SNX31: variants seen among roughly 807,000 people sequenced by gnomAD.
SNX31 encodes sorting nexin-31.
Under a neutral mutation model 65.4 loss-of-function variants are expected in SNX31, and 58 were observed. That is an observed-to-expected ratio of 0.89 (90% confidence interval 0.72 to 1.10). The LOEUF (loss-of-function observed/expected upper bound fraction) is 1.10. SNX31 is among the 50% of genes least tolerant of loss of function. The pLI is 0.00. For synonymous variants in SNX31, 181 were observed against 190.1 expected, an observed-to-expected ratio of 0.95 and a Z score of 0.39; for missense variants, 523 against 529.7, an observed-to-expected ratio of 0.99 and a Z score of 0.12.
intron 2 of SNX31, among the ~76,000 whole-genome samples, chr8:100,639,478 A>G (rs1819006757): frequency 5.9e-5 from 9 of 152,224 alleles, no homozygotes; most frequent in Admixed American, 5.9e-4. Context: ...ACAGAATCAA[A>G]CAAGTAAATG....
chr8:100,601,111 G>C (rs940405096), intron 8 of SNX31, among the ~76,000 whole-genome samples: 4 of 152,126 alleles, frequency 2.6e-5, no homozygotes, highest in African/African-American at 9.7e-5. Flanking sequence ...ATTGCTTATA[G>C]CAATGAAACA....
In SNX31 at chr8:100,625,873, GC is replaced by G. The variant is rs1424161556; in HGVS notation, c.321+4453del. Among the ~76,000 whole-genome samples, 4 of 152,180 alleles carry G rather than the reference GC, an allele frequency of 2.6e-5. No homozygotes were observed. The highest frequency in any genetic ancestry group is 4.8e-5 in the African/African-American group (2 of 41,446). The stretch of plus-strand genomic sequence containing the variant: ...TACAGACACTCCATCTTTGCAAAAA[GC>G]AATCTCTCAGCATGGCTGGGGAAAG... On this transcript the variant is annotated intron_variant, in intron 4 of 13. Coordinates refer to ENST00000311812, the MANE Select transcript of SNX31 (RefSeq NM_152628.4). The surrounding 1 kb of genome is among the most constrained non-coding windows in gnomAD (Gnocchi z 4.2).
At chr8:100,663,395 TG>T (rs973236073) in exon 1 of SNX31, 1 of 152,246 alleles carries the variant, frequency 6.6e-6, no homozygotes, top group Non-Finnish European at 1.5e-5. Flanking sequence ...AAGCCTTTTT[TG>T]AATGCACAGG....
At position 100,648,322 on chromosome 8, in the gene SNX31, C is replaced by CTT. The variant is rs33988254; in HGVS notation, c.141+950_141+951dup. On this transcript the variant is annotated intron_variant, in intron 2 of 13. Transcript: ENST00000311812. The surrounding 1 kb of genome is among the most constrained non-coding windows in gnomAD (Gnocchi z 4.3). ...GAAAGTTTTTTCAGTTTTCTCTACA[C>CTT]TTTTTTTTTTTTTTTTTTTAATAGA... 0.23 allele frequency among the ~76,000 whole-genome samples: 30,617 copies of CTT among 131,186 alleles called. 4,137 individuals carry two copies. The highest frequency in any genetic ancestry group is 0.4 in the South Asian group (1,645 of 4,096). 86.1% of individuals were successfully genotyped at this position (131,186 alleles called of 152,430 possible). A position where few individuals can be genotyped will look rare whatever the true frequency, so the allele number is the denominator to read the frequency against.
intron 7 of SNX31, among the ~76,000 whole-genome samples, 156 bp downstream of exon 7, chr8:100,611,844 C>T (rs1379731496): frequency 1.3e-5 from 2 of 152,222 alleles, no homozygotes; most frequent in Non-Finnish European, 2.9e-5. Context: ...GCATAAGCCA[C>T]AGCACCTGGC....
intron 7 of SNX31, 72 bp downstream of exon 7, chr8:100,611,928 G>A: frequency 8.6e-7 from 1 of 1,168,558 alleles, no homozygotes; most frequent in South Asian, 1.3e-5. Flanking sequence ...GATGTGACGG[G>A]ACTCTGGTAA....
rs1014096067 is a variant in SNX31 at position 100,630,438 on chromosome 8, C to T, written c.257-47G>A. The T allele has an allele frequency of 2.6e-6, 4 of 1,553,076 alleles. No individual in the cohort carries two copies. The highest frequency in any genetic ancestry group is 2.3e-5 in the East Asian group (1 of 43,982). ...CCAGGTTAGCATGGGCTGGGCTGGG[C>T]CCTGCCTATTAATTGCTATGTCCTC... On this transcript the variant is annotated intron_variant, in intron 3 of 13. Coordinates refer to ENST00000311812, the MANE Select transcript of SNX31 (RefSeq NM_152628.4). The surrounding 1 kb of genome is among the most constrained non-coding windows in gnomAD (Gnocchi z 5.3).
chr8:100,624,916 C>T (rs1380483263), intron 4 of SNX31, among the ~76,000 whole-genome samples: 6 of 152,066 alleles, frequency 3.9e-5, no homozygotes, highest in Non-Finnish European at 7.4e-5. Flanking sequence ...ATCCTCCTGC[C>T]TCAGCCTCCA....
At chr8:100,650,071 C>A (rs111807365), upstream of SNX31, among the ~76,000 whole-genome samples, 2 of 149,412 alleles carry the variant, frequency 1.3e-5, no homozygotes, top group Non-Finnish European at 3.0e-5. Context: ...AAGCCCCCCC[C>A]AAATGGAAAT....
At chr8:100,601,148 T>G (rs1263281449) in intron 8 of SNX31, among the ~76,000 whole-genome samples, 1 of 152,326 alleles carries the variant, frequency 6.6e-6, no homozygotes, top group Admixed American at 6.5e-5. Context: ...GGCAAACACA[T>G]GTACAGTGCT....
intron 8 of SNX31, 117 bp from the exon 9 acceptor site, chr8:100,600,558 G>A: frequency 2.8e-6 from 2 of 713,430 alleles, no homozygotes; most frequent in Non-Finnish European, 4.6e-6. Flanking sequence ...TATATTTAGG[G>A]ATTTAGCATA....
At chr8:100,657,672 G>A (rs1820073726) in intron 1 of SNX31, 2 of 455,870 alleles carry the variant, frequency 4.4e-6, no homozygotes, top group Admixed American at 2.4e-5. Context: ...GGGACAAGAT[G>A]GGGATTGGGA....
chr8:100,655,469 G>A (rs890092657), intron 1 of SNX31, among the ~76,000 whole-genome samples: 8 of 152,100 alleles, frequency 5.3e-5, no homozygotes, highest in South Asian at 2.1e-4. Flanking sequence ...TACTGTTCTC[G>A]TGGTGGTGAA....
upstream of SNX31, among the ~76,000 whole-genome samples, chr8:100,650,075 T>C (rs926569250): frequency 1.3e-5 from 2 of 151,966 alleles, no homozygotes; most frequent in Non-Finnish European, 2.9e-5. Flanking sequence ...CCCCCCCAAA[T>C]GGAAATGGCT....
chr8:100,587,505 AT>A (rs1405593627), intron 11 of SNX31, among the ~76,000 whole-genome samples: 1 of 152,136 alleles, frequency 6.6e-6, no homozygotes, highest in African/African-American at 2.4e-5. Context: ...TGAACACATA[AT>A]TTTTCACTGC....
chr8:100,640,860 A>G (rs540801562), intron 2 of SNX31, among the ~76,000 whole-genome samples: 4 of 152,312 alleles, frequency 2.6e-5, no homozygotes, highest in African/African-American at 7.2e-5. Flanking sequence ...TAACAACTCA[A>G]TGTAATGTGG....
chr8:100,652,051 TC>T (rs1388434583), upstream of SNX31, among the ~76,000 whole-genome samples: 3 of 152,136 alleles, frequency 2.0e-5, no homozygotes, highest in African/African-American at 7.2e-5. Flanking sequence ...TGAGCTCGGC[TC>T]ACTGCAAGCT....
At chr8:100,661,977 T>A (rs1693544) in intron 1 of SNX31, among the ~76,000 whole-genome samples, 40,995 of 151,980 alleles carry the variant, frequency 0.27, 6,429 homozygotes, top group African/African-American at 0.42. Flanking sequence ...GACATGCACC[T>A]CCACGTCCAG....
chr8:100,623,245 T>G (rs1293769495), intron 4 of SNX31, among the ~76,000 whole-genome samples: 2 of 152,078 alleles, frequency 1.3e-5, no homozygotes, highest in Non-Finnish European at 2.9e-5. Context: ...GCCACACACT[T>G]TTAAACAACC....
Sources: gnomAD v4.1 joint callset for allele counts (sites outside exome capture counted in the v4.1 genomes callset) on GRCh38, gnomAD v4.1.1 for gene constraint, Gnocchi (gnomAD v3.1) non-coding constraint, MANE v1.5 for transcripts, NCBI Gene and HGNC (gene_info 2026-07-23, HGNC 2026-07-21) for gene names.